Variants in SYVN1 observed in about 807,000 individuals in gnomAD.
SYVN1 encodes synoviolin 1.
Under a neutral mutation model 62.6 loss-of-function variants are expected in SYVN1, and 17 were observed. The observed-to-expected ratio is 0.27, with a 90% CI of 0.19 to 0.41. SYVN1 has a LOEUF of 0.41. Ranked by LOEUF, SYVN1 falls within the 10% of genes least tolerant of loss-of-function variation. The pLI is 1.00. For missense variants in SYVN1, 634 were observed against 818.0 expected, an observed-to-expected ratio of 0.78 and a Z score of 2.74; for synonymous variants, 316 against 304.0, an observed-to-expected ratio of 1.04 and a Z score of -0.41.
chr11:65,131,069 A>C, intron 9 of SYVN1, 33 bp from the exon 10 acceptor site: 1 of 1,613,490 alleles, frequency 6.2e-7, no homozygotes, highest in Non-Finnish European at 8.5e-7. Context: ...TATCAGGTCC[A>C]GAGCTGGAAG....
chr11:65,128,355 A>G lies in SYVN1; in HGVS notation c.*27T>C, dbSNP rs746916140. On this transcript the variant is annotated 3_prime_UTR_variant, in exon 16 of 16. Transcript: ENST00000377190. The stretch of plus-strand genomic sequence containing the variant: ...TCCAGCGAGGGCTGCTCAAAAGAGC[A>G]GAGGCTGGGGCTGGGCTGGGGCAGT... The G allele has an allele frequency of 1.9e-6, 3 of 1,588,118 alleles. No homozygotes were observed. Among genetic ancestry groups the G allele is most frequent in the South Asian group, 2.2e-5 (2 of 89,760 alleles).
Position 65,130,977 on chromosome 11 carries a change from C to T in SYVN1, c.884G>A (p.Arg295Gln), listed in dbSNP as rs1221680141. Residue 295 changes from arginine to glutamine, a missense_variant, in exon 10 of 16, where the codon CGA becomes CAA. Transcript: ENST00000377190. ...QAMDNVCIIC[R>Q]EEMVTGAKRL... Reference sequence around the variant, plus strand: ...CTTGGCACCAGTCACCATCTCTTCTCGGCAGATGATGCAGACATTGTCCAT... The same window carrying T: ...CTTGGCACCAGTCACCATCTCTTCTTGGCAGATGATGCAGACATTGTCCAT... 6.2e-7 allele frequency: 1 copy of T among 1,614,080 alleles called. No homozygotes were observed.
Position 65,134,447 on chromosome 11 carries a change from C to T in SYVN1, c.-18+9G>A, listed in dbSNP as rs983040643. 2 of 152,780 alleles carry T rather than the reference C, an allele frequency of 1.3e-5. No individual in the cohort carries two copies. The highest frequency in any genetic ancestry group is 4.8e-5 in the African/African-American group (2 of 41,464). 9.5% of individuals were successfully genotyped at this position (152,780 alleles called of 1,614,324 possible). ...AACCACAACTCGGGCCAGACTTCGC[C>T]CCACTCACCAGGAACCCAGCGCCGC... On this transcript the variant is annotated intron_variant, in intron 1 of 15. Coordinates refer to ENST00000377190, the MANE Select transcript of SYVN1 (RefSeq NM_172230.3).
chr11:65,133,571 T>G lies in SYVN1; in HGVS notation c.31A>C (p.Ser11Arg). 6 of 1,612,026 alleles carry G rather than the reference T, an allele frequency of 3.7e-6. No individual in the cohort carries two copies. Among genetic ancestry groups the G allele is most frequent in the Non-Finnish European group, 5.1e-6 (6 of 1,180,014 alleles). Residue 11 changes from serine (S) to arginine (R), a missense_variant, in exon 2 of 16, where the codon AGC becomes CGC. Ser to Arg is a moderately radical substitution (Grantham distance 110). Coordinates refer to ENST00000377190, the MANE Select transcript of SYVN1 (RefSeq NM_172230.3). MFRTAVMMAA[S>R]LALTGAVVAH... ...ACCACAGCCCCGGTCAGCGCCAGGC[T>G]GGCCGCCATCATCACTGCCGTGCGG...
At chr11:65,131,085 G>A (rs373047054) in intron 9 of SYVN1, 47 bp downstream of exon 9, 3 of 1,613,754 alleles carry the variant, frequency 1.9e-6, no homozygotes, top group Non-Finnish European at 2.5e-6. Flanking sequence ...GGAAGCAGAG[G>A]GACCCAGGAC....
chr11:65,132,369 C>G lies in SYVN1; in HGVS notation c.428-18G>C, dbSNP rs530072244. 6.4e-7 allele frequency: 1 copy of G among 1,565,964 alleles called. No homozygotes were observed. On this transcript the variant is annotated intron_variant, in intron 5 of 15. Transcript: ENST00000377190. ...CATAAGAGCTGTGGGGACCCCCACA[C>G]ATGCAGGGTGGGGGGGTCAGCCCAG...
rs1948131139 is a variant in SYVN1, at chr11:65,128,484, A to G, written c.1752T>C (p.Pro584=). The G allele has an allele frequency of 6.2e-7, 1 of 1,613,964 alleles. No individual in the cohort carries two copies. Among genetic ancestry groups the G allele is most frequent in the Non-Finnish European group, 8.5e-7 (1 of 1,179,922 alleles). ...PAPEMERPPA[P]ESVGTEEMPE... Reference sequence around the variant, plus strand: ...GCATCTCCTCTGTGCCCACTGACTCAGGAGCTGGGGACAGAGAGACTGGAA... The same window carrying G: ...GCATCTCCTCTGTGCCCACTGACTCGGGAGCTGGGGACAGAGAGACTGGAA... The change falls in exon 16 of 16, where the codon CCT becomes CCC. Residue 584 remains proline, a synonymous_variant. Coordinates refer to ENST00000377190, the MANE Select transcript of SYVN1 (RefSeq NM_172230.3).
Position 65,128,593 on chromosome 11 carries a change from G to C in SYVN1, c.1717C>G (p.Pro573Ala). 1 of 1,614,134 alleles carries C rather than the reference G, an allele frequency of 6.2e-7. No individual in the cohort carries two copies. Among genetic ancestry groups the C allele is most frequent in the Non-Finnish European group, 8.5e-7 (1 of 1,180,008 alleles). Reference sequence around the variant, plus strand: ...GGCCTTTCCATTTCAGGGGCTGGTGGGGAGGCTCCTGGGGTTGGGGTCGTG... The same window carrying C: ...GGCCTTTCCATTTCAGGGGCTGGTGCGGAGGCTCCTGGGGTTGGGGTCGTG... ...EATTPTPGAS[P>A]PAPEMERPPA... The change falls in exon 15 of 16, where the codon CCA becomes GCA. Residue 573 changes from proline (P) to alanine (A), a missense_variant. Physicochemically the swap from Pro to Ala is conservative, Grantham distance 27. Transcript: ENST00000377190.
Position 65,127,285 on chromosome 11 carries a change from A to C in SYVN1, c.*1097T>G, listed in dbSNP as rs1948113234. ...GTGACACAAACCCCACCAATTGTTA[A>C]TGCAAGTTTTTATTTGGCTGTATAT... On this transcript the variant is annotated 3_prime_UTR_variant, in exon 16 of 16. Transcript: ENST00000377190. 4.4e-6 allele frequency: 2 copies of C among 459,768 alleles called. No homozygotes were observed. The highest frequency in any genetic ancestry group is 3.8e-6 in the Non-Finnish European group (1 of 260,432). The allele number at this position is 459,768 out of a possible 1,614,324, so 28.5% of individuals were successfully genotyped here.
chr11:65,128,293 G>T lies in SYVN1; in HGVS notation c.*89C>A. On this transcript the variant is annotated 3_prime_UTR_variant, in exon 16 of 16. Coordinates refer to ENST00000377190, the MANE Select transcript of SYVN1 (RefSeq NM_172230.3). ...GCTGGGGGTACTACTCCCTGGTGCA[G>T]ACAGAGAGGGAGCTGGCACTTGGTG... The T allele has an allele frequency of 9.2e-7, 1 of 1,091,860 alleles. No individual in the cohort carries two copies. Among genetic ancestry groups the T allele is most frequent in the Non-Finnish European group, 1.4e-6 (1 of 739,504 alleles). 67.6% of individuals were successfully genotyped at this position (1,091,860 alleles called of 1,614,324 possible).
intron 5 of SYVN1, 81 bp downstream of exon 5, chr11:65,132,651 T>C: frequency 1.4e-6 from 2 of 1,438,196 alleles, no homozygotes; most frequent in African/African-American, 1.4e-5. Flanking sequence ...TGTACAGCTG[T>C]GGGGGGTAGC....
Position 65,130,396 on chromosome 11 carries a change from G to A in SYVN1, c.1106-17C>T, listed in dbSNP as rs763943098. 2 of 1,519,440 alleles carry A rather than the reference G, an allele frequency of 1.3e-6. No individual in the cohort carries two copies. The highest frequency in any genetic ancestry group is 1.4e-5 in the African/African-American group (1 of 71,682). The allele number at this position is 1,519,440 out of a possible 1,614,324, so 94.1% of individuals were successfully genotyped here. ...CCTGGGGGACTGCAGAGAGAAGACG[G>A]AGGTAAGGAAAGGGCCAAATGGACA... On this transcript the variant is annotated splice_polypyrimidine_tract_variant and intron_variant, in intron 11 of 15. Transcript: ENST00000377190.
At position 65,132,229 on chromosome 11, in the gene SYVN1, C is replaced by T. The variant is rs376964034; in HGVS notation, c.531+19G>A. The T allele has an allele frequency of 5.6e-6, 9 of 1,599,032 alleles. No individual in the cohort carries two copies. In the African/African-American group the frequency reaches 6.7e-5, roughly 12 times the overall value. ...GGTCACCTCGGGCTTGTCCTCTCAACCTCCCAAGCCAGTTTTACCTCAAAG... is the reference window on the plus strand; with the variant it reads ...GGTCACCTCGGGCTTGTCCTCTCAATCTCCCAAGCCAGTTTTACCTCAAAG... On this transcript the variant is annotated intron_variant, in intron 6 of 15. Coordinates refer to ENST00000377190, the MANE Select transcript of SYVN1 (RefSeq NM_172230.3).
At position 65,131,529 on chromosome 11, in the gene SYVN1, T is replaced by C. The variant is rs1590827656; in HGVS notation, c.599A>G (p.Gln200Arg). 5 of 1,613,954 alleles carry C rather than the reference T, an allele frequency of 3.1e-6. No homozygotes were observed. Among genetic ancestry groups the C allele is most frequent in the Non-Finnish European group, 3.4e-6 (4 of 1,179,986 alleles). Residue 200 changes from glutamine (Q) to arginine (R), a missense_variant, in exon 7 of 16, where the codon CAG becomes CGG. Physicochemically the swap from Gln to Arg is conservative, Grantham distance 43. Coordinates refer to ENST00000377190, the MANE Select transcript of SYVN1 (RefSeq NM_172230.3). ...IKYVLHSVDL[Q>R]SENPWDNKAV... ...CTTGTTGTCCCAGGGGTTCTCACTC[T>C]GGAGGTCCACGGAGTGCAGCACATA...
Position 65,132,986 on chromosome 11 carries a change from G to C in SYVN1, c.314C>G (p.Ala105Gly). The change falls in exon 4 of 16, where the codon GCA becomes GGA. Residue 105 changes from alanine (A) to glycine (G), a missense_variant. Ala to Gly is a moderately conservative substitution (Grantham distance 60). Coordinates refer to ENST00000377190, the MANE Select transcript of SYVN1 (RefSeq NM_172230.3). The part of the protein sequence containing the change: ...FRDDFSPRFV[A>G]LFTLLLFLKC... ...GAGGAAGAGAAGAAGAGTGAAGAGT[G>C]CAACAAAGCGGGGGCTGAAGTCATC... The C allele has an allele frequency of 6.2e-7, 1 of 1,614,210 alleles. No homozygotes were observed. Among genetic ancestry groups the C allele is most frequent in the Non-Finnish European group, 8.5e-7 (1 of 1,180,032 alleles).
intron 9 of SYVN1, 22 bp from the exon 10 acceptor site, chr11:65,131,058 G>A (rs779056405): frequency 1.2e-6 from 2 of 1,613,504 alleles, no homozygotes; most frequent in Non-Finnish European, 1.7e-6. Context: ...GACAGGGGCT[G>A]TATCAGGTCC....
chr11:65,133,418 G>A, intron 2 of SYVN1, 52 bp downstream of exon 2: 1 of 1,603,626 alleles, frequency 6.2e-7, no homozygotes, highest in Non-Finnish European at 8.5e-7. Flanking sequence ...TGCCCAGGCA[G>A]ACTCCTCCTT....
intron 5 of SYVN1, 104 bp from the exon 6 acceptor site, chr11:65,132,455 C>T (rs1554998299): frequency 2.3e-6 from 2 of 851,898 alleles, no homozygotes; most frequent in Non-Finnish European, 3.8e-6. Context: ...ATGGCCCCAG[C>T]GATCTAGTCA....
chr11:65,128,091 G>T lies in SYVN1; in HGVS notation c.*291C>A, dbSNP rs1303865947. 7 of 535,072 alleles carry T rather than the reference G, an allele frequency of 1.3e-5. No homozygotes were observed. Among genetic ancestry groups the T allele is most frequent in the African/African-American group, 3.8e-5 (2 of 52,304 alleles). The allele number at this position is 535,072 out of a possible 1,614,324, so 33.1% of individuals were successfully genotyped here. A position where few individuals can be genotyped will look rare whatever the true frequency, so the allele number is the denominator to read the frequency against. The stretch of plus-strand genomic sequence containing the variant: ...CTCCTGGAAAGGGGTGGGGGAAGAA[G>T]AGGGCTTCTCAGAGGCTAAACCTTC... On this transcript the variant is annotated 3_prime_UTR_variant, in exon 16 of 16. Transcript: ENST00000377190.
Sources: allele counts gnomAD v4.1 joint callset, GRCh38; gene constraint gnomAD v4.1.1; transcripts MANE v1.5; gene names NCBI Gene and HGNC (gene_info 2026-07-23, HGNC 2026-07-21).